Variants in CIZ1 observed in about 807,000 individuals in gnomAD.
The protein encoded by CIZ1 is CDKN1A interacting zinc finger protein 1.
CIZ1 carries 58 observed loss-of-function variants against 118.6 expected under a neutral mutation model. That is an observed-to-expected ratio of 0.49 (90% CI 0.40 to 0.61). The LOEUF (loss-of-function observed/expected upper bound fraction) is 0.61, where lower values mean the gene tolerates loss of function less well. Ranked by LOEUF, CIZ1 falls within the 20% of genes least tolerant of loss-of-function variation. The probability of loss-of-function intolerance (pLI) is 0.00; values close to 1 mark genes in which losing one functional copy is unlikely to be tolerated. For missense variants in CIZ1, 921 were observed against 1,115.9 expected, an observed-to-expected ratio of 0.83 and a Z score of 2.49; for synonymous variants, 448 against 443.4, an observed-to-expected ratio of 1.01 and a Z score of -0.13.
chr9:128,168,939 C>T, intron 14 of CIZ1, 113 bp downstream of exon 14: 1 of 1,436,630 alleles, frequency 7.0e-7, no homozygotes, highest in Non-Finnish European at 9.6e-7. Context: ...TTGTGGCATG[C>T]ATTAGTGCCC....
rs973120047 is a variant in CIZ1 at position 128,179,086 on chromosome 9, T to C, written c.1121A>G (p.Gln374Arg). 1.9e-6 allele frequency: 3 copies of C among 1,613,900 alleles called. No individual in the cohort carries two copies. Among genetic ancestry groups the C allele is most frequent in the Non-Finnish European group, 2.5e-6 (3 of 1,179,826 alleles). Residue 374 changes from glutamine (Q) to arginine (R), a missense_variant, in exon 8 of 17, where the codon CAG becomes CGG. Physicochemically the swap from Gln to Arg is conservative, Grantham distance 43. Transcript: ENST00000372938. ...CTGTGGCTGTACCTGTGGCTGCACCTGCTTCTGTGGCTCTGCCTCCTGCTG... is the reference window on the plus strand; with the variant it reads ...CTGTGGCTGTACCTGTGGCTGCACCCGCTTCTGTGGCTCTGCCTCCTGCTG... ...QLQQEAEPQKQVQPQVQPQAH... is the reference protein window; with the variant it reads ...QLQQEAEPQKRVQPQVQPQAH...
intron 15 of CIZ1, 31 bp downstream of exon 15, chr9:128,167,064 C>G: frequency 6.3e-7 from 1 of 1,585,634 alleles, no homozygotes; most frequent in African/African-American, 1.3e-5. Flanking sequence ...GGCTGAAGCT[C>G]CTGCAGGTGG....
At chr9:128,200,637 G>C (rs971706712) in intron 1 of CIZ1, among the ~76,000 whole-genome samples, 24 of 145,396 alleles carry the variant, frequency 1.7e-4, no homozygotes, top group African/African-American at 5.0e-4. Flanking sequence ...TAACCTGAGC[G>C]ACAGAGCAAG....
chr9:128,190,401 G>A lies in CIZ1; in HGVS notation c.214C>T (p.Gln72Ter). 6.2e-7 allele frequency: 1 copy of A among 1,613,932 alleles called. No individual in the cohort carries two copies. The highest frequency in any genetic ancestry group is 8.5e-7 in the Non-Finnish European group (1 of 1,179,894). The change falls in exon 3 of 17, where the codon CAG becomes TAG. Residue 72 changes from glutamine (Q) to a stop codon, truncating the protein, a stop_gained. Transcript: ENST00000372938. LOFTEE classifies it high-confidence loss of function. Reference sequence around the variant, plus strand: ...AGGAGGGAGGCTGAGTTGGTGCCCTGGAGATTCAGAAGCGGCTGCTGTGGC... The same window carrying A: ...AGGAGGGAGGCTGAGTTGGTGCCCTAGAGATTCAGAAGCGGCTGCTGTGGC... The part of the protein sequence containing the change: ...QQPQQPLLNL[Q>*]GTNSASLLNG...
chr9:128,203,308 G>C lies in CIZ1; in HGVS notation c.-6+878C>G, dbSNP rs1270753828. The C allele has an allele frequency of 4.3e-6, 2 of 468,670 alleles. No individual in the cohort carries two copies. Among genetic ancestry groups the C allele is most frequent in the East Asian group, 7.1e-5 (1 of 14,038 alleles). The allele number at this position is 468,670 out of a possible 1,614,324, so 29.0% of individuals were successfully genotyped here. A position where few individuals can be genotyped will look rare whatever the true frequency, so the allele number is the denominator to read the frequency against. On this transcript the variant is annotated intron_variant, in intron 1 of 17. Coordinates refer to the CIZ1 transcript ENST00000372948. This position sits in a 1 kb window ranked among gnomAD's most constrained non-coding sequence, Gnocchi z 5.3. ...CGGCGGCCGGCCCGCAGCGCCGCGGGCTCCCCCTAGCGGCGTCCGGGAGCG... is the reference window on the plus strand; with the variant it reads ...CGGCGGCCGGCCCGCAGCGCCGCGGCCTCCCCCTAGCGGCGTCCGGGAGCG...
At chr9:128,185,455 G>A in intron 5 of CIZ1, 92 bp downstream of exon 5, 1 of 775,800 alleles carries the variant, frequency 1.3e-6, no homozygotes, top group Non-Finnish European at 2.1e-6. Flanking sequence ...AGTGTGACCT[G>A]TCCGAAGGCC....
rs45456791 is a variant in CIZ1 at position 128,169,931 on chromosome 9, C to T, written c.2031+89G>A. On this transcript the variant is annotated intron_variant, in intron 12 of 16. Coordinates refer to ENST00000372938, the MANE Select transcript of CIZ1 (RefSeq NM_001131016.2). ...ATGGGTGTGCAGGGGCAAAGAGGAACGTTTACTTTCCAACTGGGGCTCTGT... is the reference window on the plus strand; with the variant it reads ...ATGGGTGTGCAGGGGCAAAGAGGAATGTTTACTTTCCAACTGGGGCTCTGT... 63 of 1,264,640 alleles carry T rather than the reference C, an allele frequency of 5.0e-5. No individual in the cohort carries two copies. In the East Asian group the frequency reaches 1.3e-3, roughly 26 times the overall value. The allele number at this position is 1,264,640 out of a possible 1,614,324, so 78.3% of individuals were successfully genotyped here.
At chr9:128,182,746 A>G (rs1423564154) in intron 5 of CIZ1, among the ~76,000 whole-genome samples, 5 of 151,288 alleles carry the variant, frequency 3.3e-5, no homozygotes, top group African/African-American at 1.2e-4. Flanking sequence ...AGACTCCAGA[A>G]TGGGTCCAGA....
rs1368660991 is a variant in CIZ1, at chr9:128,166,656, T to C, written c.2487+103A>G. Reference sequence around the variant, plus strand: ...TTGGTGCAGGGGTGGTGCCTGGGGATTGAGGCCCTGCACAAGAGGGAGTGG... The same window carrying C: ...TTGGTGCAGGGGTGGTGCCTGGGGACTGAGGCCCTGCACAAGAGGGAGTGG... On this transcript the variant is annotated intron_variant, in intron 16 of 16. Coordinates refer to ENST00000372938, the MANE Select transcript of CIZ1 (RefSeq NM_001131016.2). This position sits in a 1 kb window ranked among gnomAD's most constrained non-coding sequence, Gnocchi z 4.4. The C allele has an allele frequency of 7.0e-7, 1 of 1,438,520 alleles. No individual in the cohort carries two copies. Among genetic ancestry groups the C allele is most frequent in the African/African-American group, 1.4e-5 (1 of 71,476 alleles). The allele number at this position is 1,438,520 out of a possible 1,614,324, so 89.1% of individuals were successfully genotyped here.
At chr9:128,195,897 G>A (rs144851244), upstream of CIZ1, among the ~76,000 whole-genome samples, 1 of 151,940 alleles carries the variant, frequency 6.6e-6, no homozygotes, top group Admixed American at 6.6e-5. Context: ...GCAGAGTCTC[G>A]CTCTGTCGCC....
rs1211113169 is a variant in CIZ1, at chr9:128,203,549, G to T, written c.-6+637C>A. ...CGCCTTCTCTGCCATCGGCCAGAACGCGGACCTCGACCTGCCGCAGATCGC... is the reference window on the plus strand; with the variant it reads ...CGCCTTCTCTGCCATCGGCCAGAACTCGGACCTCGACCTGCCGCAGATCGC... On this transcript the variant is annotated intron_variant, in intron 1 of 17. Transcript: ENST00000372948. The surrounding 1 kb of genome is among the most constrained non-coding windows in gnomAD (Gnocchi z 5.3). The T allele has an allele frequency of 1.3e-6, 2 of 1,548,320 alleles. No individual in the cohort carries two copies. Among genetic ancestry groups the T allele is most frequent in the Non-Finnish European group, 1.7e-6 (2 of 1,150,630 alleles).
chr9:128,190,591 C>G, intron 2 of CIZ1, 97 bp downstream of exon 2: 2 of 1,460,922 alleles, frequency 1.4e-6, no homozygotes, highest in South Asian at 2.5e-5. Context: ...AGGACTCAAA[C>G]GGGGATGGCA....
In CIZ1 at chr9:128,180,162, C is replaced by T. The variant is rs73607675; in HGVS notation, c.791+253G>A. 0.054 allele frequency among the ~76,000 whole-genome samples: 8,191 copies of T among 152,274 alleles called. 701 individuals carry two copies. Among genetic ancestry groups the T allele is most frequent in the African/African-American group, 0.18 (7,520 of 41,522 alleles). On this transcript the variant is annotated intron_variant, in intron 7 of 16. Coordinates refer to ENST00000372938, the MANE Select transcript of CIZ1 (RefSeq NM_001131016.2). The stretch of plus-strand genomic sequence containing the variant: ...CACTACGGTCCCAGATGAACGTCTT[C>T]ACCCCTCCCACGCAGCCATCCAGCT...
At chr9:128,174,688 ATCTC>A (rs1463123482) in intron 11 of CIZ1, among the ~76,000 whole-genome samples, 1 of 151,824 alleles carries the variant, frequency 6.6e-6, no homozygotes. Context: ...TTGAGACAGA[ATCTC>A]TCTGTCACCC....
At chr9:128,173,743 G>A (rs544264508) in intron 11 of CIZ1, among the ~76,000 whole-genome samples, 12 of 151,822 alleles carry the variant, frequency 7.9e-5, no homozygotes, top group East Asian at 5.9e-4. Flanking sequence ...ATGGTGGCTT[G>A]CACCTGTAAT....
intron 5 of CIZ1, among the ~76,000 whole-genome samples, chr9:128,184,485 G>A (rs369380692): frequency 3.8e-5 from 5 of 130,584 alleles, no homozygotes; most frequent in African/African-American, 1.1e-4. Flanking sequence ...ACTGGGCAGT[G>A]CTGATTTTTT....
chr9:128,168,963 C>A (rs1829785450), intron 14 of CIZ1, 89 bp downstream of exon 14: 2 of 1,578,304 alleles, frequency 1.3e-6, no homozygotes, highest in South Asian at 1.2e-5. Context: ...GATGCCAGCC[C>A]AGTGTCTGGC....
chr9:128,173,136 T>TC lies in CIZ1; in HGVS notation c.1944-3030_1944-3029insG, dbSNP rs1491524412. ...CATGCCACCAGGCCTGGCTAATTTC[T>TC]TTTTTTTTTTTTTTTTTTTTTTTTT... is the stretch of plus-strand genomic sequence containing the variant. On this transcript the variant is annotated intron_variant, in intron 11 of 16. Coordinates refer to ENST00000372938, the MANE Select transcript of CIZ1 (RefSeq NM_001131016.2). 7.5e-4 allele frequency among the ~76,000 whole-genome samples: 70 copies of TC among 92,890 alleles called. 1 individual carries two copies. The highest frequency in any genetic ancestry group is 4.4e-3 in the African/African-American group (67 of 15,080). The allele number at this position is 92,890 out of a possible 152,430, so 60.9% of individuals were successfully genotyped here.
At position 128,169,118 on chromosome 9, in the gene CIZ1, A is replaced by ATCACCCTC; in HGVS notation, c.2221_2228dup (p.Asp743GlufsTer27). On this transcript the variant is annotated frameshift_variant, in exon 14 of 17. Transcript: ENST00000372938. LOFTEE classifies it high-confidence loss of function. ...CCTCATCATCCTCTTCCTCTTCTTC[A>ATCACCCTC]TCACCCTCGAAGCAACCCACAGCGT... is the stretch of plus-strand genomic sequence containing the variant. The ATCACCCTC allele has an allele frequency of 6.2e-7, 1 of 1,613,974 alleles. No homozygotes were observed. The highest frequency in any genetic ancestry group is 8.5e-7 in the Non-Finnish European group (1 of 1,179,962).
Sources: gnomAD v4.1 joint callset for allele counts (sites outside exome capture counted in the v4.1 genomes callset) on GRCh38, gnomAD v4.1.1 for gene constraint, Gnocchi (gnomAD v3.1) non-coding constraint, MANE v1.5 for transcripts, NCBI Gene and HGNC (gene_info 2026-07-23, HGNC 2026-07-21) for gene names.